THOC2: variants seen among roughly 807,000 people sequenced by gnomAD.
THOC2 encodes the protein THO complex 2.
In THOC2, 10 loss-of-function variants were observed where a neutral mutation model predicts 128.4. That is an observed-to-expected ratio of 0.08 (90% CI 0.05 to 0.13). The LOEUF (loss-of-function observed/expected upper bound fraction) is 0.13. Ranked by LOEUF, THOC2 falls within the 10% of genes least tolerant of loss-of-function variation. The pLI, the probability that THOC2 is intolerant of heterozygous loss-of-function variation, is 1.00. For missense variants in THOC2, 535 were observed against 1,155.7 expected, an observed-to-expected ratio of 0.46 and a Z score of 7.79; for synonymous variants, 393 against 396.9, an observed-to-expected ratio of 0.99 and a Z score of 0.12.
At chrX:123,632,492 A>G (rs1455891594) in intron 21 of THOC2, among the ~76,000 whole-genome samples, 6 of 94,433 alleles carry the variant, frequency 6.4e-5, no homozygotes, top group Non-Finnish European at 1.2e-4. Context: ...TTTGTCTCAA[A>G]AAAAAAAAAA....
intron 33 of THOC2, among the ~76,000 whole-genome samples, chrX:123,619,030 C>G (rs754082407): frequency 8.9e-6 from 1 of 112,118 alleles, no homozygotes; most frequent in African/African-American, 3.2e-5. Flanking sequence ...AACAGTCAGA[C>G]AGCCTGGCAG....
At chrX:123,695,192 G>C (rs1221868426) in intron 7 of THOC2, among the ~76,000 whole-genome samples, 1 of 111,116 alleles carries the variant, frequency 9.0e-6, no homozygotes, top group Non-Finnish European at 1.9e-5. Context: ...CAACTAGTGA[G>C]GCACAAAATA....
intron 20 of THOC2, 26 bp from the exon 21 acceptor site, chrX:123,633,066 C>T: frequency 8.7e-7 from 1 of 1,151,702 alleles, no homozygotes; most frequent in Non-Finnish European, 1.2e-6. Flanking sequence ...CACAAATTTA[C>T]CAGTGTACAG....
chrX:123,613,357 T>C, intron 36 of THOC2, 42 bp downstream of exon 36: 1 of 1,149,628 alleles, frequency 8.7e-7, no homozygotes, highest in Non-Finnish European at 1.2e-6. Flanking sequence ...GGATTGATTT[T>C]TTTAAGATAA....
At position 123,627,785 on chromosome X, in the gene THOC2, T is replaced by C; in HGVS notation, c.2665A>G (p.Met889Val). The C allele has an allele frequency of 8.3e-7, 1 of 1,211,009 alleles. No individual in the cohort carries two copies. Among genetic ancestry groups the C allele is most frequent in the Non-Finnish European group, 1.1e-6 (1 of 894,769 alleles). ...QFYATFWSLT[M>V]YDLAVPHTSY... is the part of the protein sequence containing the mutation. ...GTGTGTGGAACTGCAAGGTCATACA[T>C]TGTCAATGACCAGAATGTAGCATAG... is the stretch of plus-strand genomic sequence containing the variant. Residue 889 changes from methionine (M) to valine (V), a missense_variant, in exon 23 of 39, where the codon ATG becomes GTG. By Grantham distance (21) the Met-to-Val change is conservative. This residue lies in a region of THOC2 where 90 missense variants were observed against 298.6 expected (regional missense o/e 0.30). Coordinates refer to ENST00000245838, the MANE Select transcript of THOC2 (RefSeq NM_001081550.2).
At position 123,664,507 on chromosome X, in the gene THOC2, A is replaced by G. The variant is rs1203501045; in HGVS notation, c.1386+1135T>C. Among the ~76,000 whole-genome samples the G allele has an allele frequency of 7.1e-5, 8 of 112,335 alleles. No homozygotes were observed. In the Admixed American group the frequency reaches 7.6e-4, roughly 11 times the overall value. On this transcript the variant is annotated intron_variant, in intron 12 of 38. Transcript: ENST00000245838. ...CTACAAAGAACTCAAACAAATTTAG[A>G]AGAAAAAACAAACAACCCCATCAAC...
rs2050437085 is a variant in THOC2 at position 123,696,043 on chromosome X, T to C, written c.579A>G (p.Leu193=). ...LSGSITSDLI[L]ENIKSLIGCF... Reference sequence around the variant, plus strand: ...TACCTATTAAAGATTTGATATTTTCTAAGATTAAATCACTAGTAATACTTC... The same window carrying C: ...TACCTATTAAAGATTTGATATTTTCCAAGATTAAATCACTAGTAATACTTC... The change falls in exon 7 of 39, where the codon TTA becomes TTG. Residue 193 remains leucine (L), a synonymous_variant. Coordinates refer to ENST00000245838, the MANE Select transcript of THOC2 (RefSeq NM_001081550.2). 4 of 1,108,672 alleles carry C rather than the reference T, an allele frequency of 3.6e-6. No homozygotes were observed. In the East Asian group the frequency reaches 1.2e-4, roughly 33 times the overall value. 91.4% of individuals were successfully genotyped at this position (1,108,672 alleles called of 1,213,427 possible). A position where few individuals can be genotyped will look rare whatever the true frequency, so the allele number is the denominator to read the frequency against.
intron 8 of THOC2, among the ~76,000 whole-genome samples, chrX:123,674,921 T>C (rs2049424766): frequency 9.0e-6 from 1 of 111,507 alleles, no homozygotes; most frequent in East Asian, 2.8e-4. Context: ...GGATGAATTG[T>C]ACCCCAAACC....
intron 8 of THOC2, among the ~76,000 whole-genome samples, chrX:123,672,623 G>A (rs968417488): frequency 2.7e-5 from 3 of 111,907 alleles, no homozygotes; most frequent in Non-Finnish European, 5.6e-5. Flanking sequence ...CAAAACAGGT[G>A]TACATAAATA....
rs140253742 is a variant in THOC2 at position 123,656,853 on chromosome X, T to C, written c.1386+8789A>G. ...GGTGAAACCTCATCTCTACTAAAAA[T>C]AGAAAAATTAGCTGGGTGTGGTGGC... On this transcript the variant is annotated intron_variant, in intron 12 of 38. Transcript: ENST00000245838. Among the ~76,000 whole-genome samples, 783 of 108,928 alleles carry C rather than the reference T, an allele frequency of 7.2e-3. 12 individuals carry two copies. The highest frequency in any genetic ancestry group is 0.066 in the Admixed American group (666 of 10,125). The allele number at this position is 108,928 out of a possible 115,157, so 94.6% of individuals were successfully genotyped here.
At chrX:123,616,149 A>G (rs1259119242) in intron 33 of THOC2, among the ~76,000 whole-genome samples, 1 of 111,014 alleles carries the variant, frequency 9.0e-6, no homozygotes, top group Non-Finnish European at 1.9e-5. Context: ...ACAGCACTCA[A>G]CCATCCCTCA....
chrX:123,670,206 T>G (rs1475356711), intron 9 of THOC2, among the ~76,000 whole-genome samples: 3 of 112,522 alleles, frequency 2.7e-5, no homozygotes, highest in Non-Finnish European at 5.6e-5. Flanking sequence ...CTATGTCACT[T>G]AAGCCGTTAA....
intron 2 of THOC2, among the ~76,000 whole-genome samples, chrX:123,707,854 G>A (rs769700071): frequency 3.6e-5 from 4 of 109,894 alleles, no homozygotes; most frequent in Admixed American, 9.8e-5. Context: ...TTAGCCAGGC[G>A]CAGTGGCTCA....
chrX:123,627,615 GC>G, intron 23 of THOC2, 77 bp downstream of exon 23: 1 of 1,008,607 alleles, frequency 9.9e-7, no homozygotes, highest in Non-Finnish European at 1.4e-6. Context: ...AGGAACCAGA[GC>G]TAAAACAATT....
chrX:123,643,092 G>A (rs1383427319), intron 15 of THOC2, among the ~76,000 whole-genome samples: 1 of 111,458 alleles, frequency 9.0e-6, no homozygotes, highest in African/African-American at 3.3e-5. Context: ...CTCCAAGAAT[G>A]AGGTCACCAG....
In THOC2 at chrX:123,611,364, A is replaced by T. The variant is rs754421549; in HGVS notation, c.4754+76T>A. 5.1e-6 allele frequency: 4 copies of T among 782,462 alleles called. No individual in the cohort carries two copies. The African/African-American group carries it at 6.2e-5, about 12-fold the overall frequency. 64.5% of individuals were successfully genotyped at this position (782,462 alleles called of 1,213,427 possible). ...TTAAGCATATAAACCACATACTAAA[A>T]GAGTACAATTGTAAACATGACCAGT... On this transcript the variant is annotated intron_variant, in intron 37 of 38. Coordinates refer to ENST00000245838, the MANE Select transcript of THOC2 (RefSeq NM_001081550.2).
At chrX:123,699,674 T>C (rs761304789) in intron 4 of THOC2, among the ~76,000 whole-genome samples, 7 of 111,667 alleles carry the variant, frequency 6.3e-5, no homozygotes, top group African/African-American at 2.3e-4. Context: ...ACAGGGGCAC[T>C]GGATGGCAGA....
At chrX:123,712,993 TA>T (rs1267048859) in intron 1 of THOC2, 85 bp from the exon 2 acceptor site, 288 of 600,228 alleles carry the variant, frequency 4.8e-4, no homozygotes, top group South Asian at 5.9e-4. Flanking sequence ...AACTGGCAAG[TA>T]AAAAAAAATT....
intron 19 of THOC2, 136 bp from the exon 20 acceptor site, chrX:123,634,206 A>G: frequency 2.6e-6 from 1 of 382,870 alleles, no homozygotes. Context: ...AGCAGTTTTT[A>G]ACTGCATTCC....
Sources: gnomAD v4.1 joint callset for allele counts (sites outside exome capture counted in the v4.1 genomes callset) on GRCh38, gnomAD v4.1.1 for gene constraint, gnomAD v4.1.1 regional missense constraint, MANE v1.5 for transcripts, NCBI Gene and HGNC (gene_info 2026-07-23, HGNC 2026-07-21) for gene names.